Variants in NDUFAF7 observed in about 807,000 individuals in gnomAD.
The protein encoded by NDUFAF7 is NADH:ubiquinone oxidoreductase complex assembly factor 7, also known as protein arginine methyltransferase NDUFAF7, mitochondrial.
In NDUFAF7, 48 loss-of-function variants were observed where a neutral mutation model predicts 47.2. That is an observed-to-expected ratio of 1.02 (90% CI 0.81 to 1.29). NDUFAF7 has a LOEUF of 1.29. Ranked by LOEUF, NDUFAF7 falls within the 50% of genes most tolerant of loss-of-function variation. The probability of loss-of-function intolerance (pLI) is 0.00; values close to 1 mark genes in which losing one functional copy is unlikely to be tolerated. For missense variants in NDUFAF7, 635 were observed against 537.6 expected, an observed-to-expected ratio of 1.18 and a Z score of -1.79; for synonymous variants, 217 against 190.0, an observed-to-expected ratio of 1.14 and a Z score of -1.17.
At position 37,248,094 on chromosome 2, in the gene NDUFAF7, T is replaced by G. The variant is rs766325575; in HGVS notation, c.1111-41T>G. 3.4e-6 allele frequency: 5 copies of G among 1,481,326 alleles called. No homozygotes were observed. The East Asian group carries it at 1.1e-4, about 34-fold the overall frequency. 91.8% of individuals were successfully genotyped at this position (1,481,326 alleles called of 1,614,324 possible). A position where few individuals can be genotyped will look rare whatever the true frequency, so the allele number is the denominator to read the frequency against. ...TATTGCTGCATGTAACTAGGAATCC[T>G]GTCTTCTGGTTATTTTTGCTAAGAA... On this transcript the variant is annotated intron_variant, in intron 9 of 9. Coordinates refer to ENST00000002125, the MANE Select transcript of NDUFAF7 (RefSeq NM_144736.5).
chr2:37,269,349 G>A, the NDUFAF7 span: 24 of 412,726 alleles, frequency 5.8e-5, no homozygotes, highest in Admixed American at 8.4e-4. Flanking sequence ...CCCTGCCTCC[G>A]ACAAACATCT....
Position 37,243,912 on chromosome 2 carries a change from T to G in NDUFAF7, c.731T>G (p.Val244Gly), listed in dbSNP as rs774605804. The G allele has an allele frequency of 2.5e-6, 4 of 1,614,056 alleles. No homozygotes were observed. Among genetic ancestry groups the G allele is most frequent in the Non-Finnish European group, 3.4e-6 (4 of 1,179,972 alleles). The change falls in exon 7 of 10, where the codon GTT (valine) becomes GGT (glycine). Residue 244 changes from valine (V) to glycine (G), a missense_variant. By Grantham distance (109) the Val-to-Gly change is moderately radical. Coordinates refer to ENST00000002125, the MANE Select transcript of NDUFAF7 (RefSeq NM_144736.5). The stretch of plus-strand genomic sequence containing the variant: ...GTATTTGTTGACATTGATCCACAGG[T>G]TTCTGATAAACTGAGGTTTGTTTTG... ...REVFVDIDPQ[V>G]SDKLRFVLAP... is the part of the protein sequence containing the mutation.
chr2:37,260,225 G>T, the NDUFAF7 span: 3 of 1,602,328 alleles, frequency 1.9e-6, no homozygotes, highest in East Asian at 2.2e-5. Context: ...TAAAATACCT[G>T]TGTGACCATG....
At chr2:37,251,567 T>G (rs1024141161), downstream of NDUFAF7, 2 of 152,472 alleles carry the variant, frequency 1.3e-5, no homozygotes, top group Admixed American at 6.6e-5. Flanking sequence ...GGAGACTAGC[T>G]TCAGGGATGT....
chr2:37,270,268 T>C, the NDUFAF7 span, among the ~76,000 whole-genome samples: 2 of 146,246 alleles, frequency 1.4e-5, no homozygotes, highest in African/African-American at 2.5e-5. Context: ...TAGTGATCTA[T>C]AAAAGCAAAT....
At chr2:37,270,328 A>G in the NDUFAF7 span, among the ~76,000 whole-genome samples, 1 of 147,748 alleles carries the variant, frequency 6.8e-6, no homozygotes, top group Admixed American at 6.9e-5. Flanking sequence ...ACCTTTAAGG[A>G]GATTTGCTCT....
chr2:37,270,484 G>A, the NDUFAF7 span, among the ~76,000 whole-genome samples: 2 of 151,604 alleles, frequency 1.3e-5, no homozygotes, highest in South Asian at 2.1e-4. Context: ...ACTGCTCTTC[G>A]CCCCCTTCCC....
the NDUFAF7 span, among the ~76,000 whole-genome samples, chr2:37,261,011 A>G: frequency 6.6e-6 from 1 of 152,194 alleles, no homozygotes; most frequent in African/African-American, 2.4e-5. Flanking sequence ...CCTTCCTCAA[A>G]AACAAATTCA....
At chr2:37,253,348 G>C (rs761299125), downstream of NDUFAF7, 2 of 1,596,404 alleles carry the variant, frequency 1.3e-6, no homozygotes, top group African/African-American at 2.7e-5. Flanking sequence ...AAGTCTGATA[G>C]TCCTAGGAGA....
At chr2:37,258,308 G>C (rs113347240), downstream of NDUFAF7, among the ~76,000 whole-genome samples, 9 of 152,228 alleles carry the variant, frequency 5.9e-5, no homozygotes, top group Non-Finnish European at 1.2e-4. Flanking sequence ...GCTGCTTCTC[G>C]ATTTCAGTGT....
downstream of NDUFAF7, chr2:37,256,902 G>C (rs775758020): frequency 6.8e-6 from 11 of 1,613,784 alleles, no homozygotes; most frequent in Admixed American, 1.7e-5. Context: ...CCAATGATGC[G>C]TGCAAATCCA....
the NDUFAF7 span, chr2:37,260,329 CG>C: frequency 6.2e-7 from 1 of 1,609,944 alleles, no homozygotes; most frequent in Non-Finnish European, 8.5e-7. Context: ...TACAAAGACT[CG>C]TTCTGGGGTT....
chr2:37,232,593 C>G (rs1056568719), intron 2 of NDUFAF7, among the ~76,000 whole-genome samples: 1 of 152,058 alleles, frequency 6.6e-6, no homozygotes, highest in African/African-American at 2.4e-5. Flanking sequence ...AGAAGGAATA[C>G]GGGAGGAAGG....
At chr2:37,242,781 ATTTTACTTGTTGAGGTTAT>A in intron 6 of NDUFAF7, 88 bp downstream of exon 6, 1 of 1,045,566 alleles carries the variant, frequency 9.6e-7, no homozygotes, top group Non-Finnish European at 1.4e-6. Flanking sequence ...CAGTATACAA[ATTTTACTTGTTGAGGTTAT>A]TTTTAACTAT....
the NDUFAF7 span, chr2:37,260,460 T>G: frequency 1.5e-6 from 2 of 1,308,084 alleles, no homozygotes; most frequent in South Asian, 1.3e-5. Flanking sequence ...GTGCTATGAT[T>G]GTCTGAAATG....
Position 37,232,257 on chromosome 2 carries a change from T to C in NDUFAF7, c.207T>C (p.Asn69=). Residue 69 remains asparagine, a synonymous_variant, in exon 2 of 10, where the codon AAT becomes AAC. Coordinates refer to ENST00000002125, the MANE Select transcript of NDUFAF7 (RefSeq NM_144736.5). ...VAEYMKEVLT[N]PAKGYYVYRD... is the part of the protein sequence containing the mutation. ...AGTACATGAAGGAGGTGTTGACTAA[T>C]CCAGCCAAGGTATGGGTCGGGTAGC... 1 of 1,612,966 alleles carries C rather than the reference T, an allele frequency of 6.2e-7. No homozygotes were observed. Among genetic ancestry groups the C allele is most frequent in the South Asian group, 1.1e-5 (1 of 91,018 alleles).
rs370256643 is a variant in NDUFAF7 at position 37,246,047 on chromosome 2, A to G, written c.793-5A>G. The G allele has an allele frequency of 2.5e-4, 411 of 1,613,522 alleles. No homozygotes were observed. Among genetic ancestry groups the G allele is most frequent in the Non-Finnish European group, 3.2e-4 (382 of 1,179,710 alleles). ...TTTTGACTCTTGCAATGATCCCTTT[A>G]CTAGCATGACGAAACAAGGGATCAT... is the stretch of plus-strand genomic sequence containing the variant. On this transcript the variant is annotated splice_polypyrimidine_tract_variant and splice_region_variant and intron_variant, in intron 7 of 9. Coordinates refer to ENST00000002125, the MANE Select transcript of NDUFAF7 (RefSeq NM_144736.5).
chr2:37,248,484 A>AT lies in NDUFAF7; in HGVS notation c.*134_*135insT. On this transcript the variant is annotated 3_prime_UTR_variant, in exon 10 of 10. Coordinates refer to ENST00000002125, the MANE Select transcript of NDUFAF7 (RefSeq NM_144736.5). Reference sequence around the variant, plus strand: ...AGCAAGAACAGTCCATGTTGTATATAATACAACCAACATTATAGAACTTTT... The same window carrying AT: ...AGCAAGAACAGTCCATGTTGTATATATATACAACCAACATTATAGAACTTTT... 2.3e-6 allele frequency: 2 copies of AT among 867,006 alleles called. No individual in the cohort carries two copies. Among genetic ancestry groups the AT allele is most frequent in the Non-Finnish European group, 3.8e-6 (2 of 531,542 alleles). The allele number at this position is 867,006 out of a possible 1,614,324, so 53.7% of individuals were successfully genotyped here. A position where few individuals can be genotyped will look rare whatever the true frequency, so the allele number is the denominator to read the frequency against.
At chr2:37,235,268 A>C (rs991214633) in intron 2 of NDUFAF7, among the ~76,000 whole-genome samples, 20 of 152,200 alleles carry the variant, frequency 1.3e-4, no homozygotes, top group Non-Finnish European at 4.4e-5. Context: ...AGAAAAAAAA[A>C]AACAACCCTT....
Sources: gnomAD v4.1 joint callset for allele counts (sites outside exome capture counted in the v4.1 genomes callset) on GRCh38, gnomAD v4.1.1 for gene constraint, MANE v1.5 for transcripts, NCBI Gene and HGNC (gene_info 2026-07-23, HGNC 2026-07-21) for gene names.